NT5DC1: variants seen among roughly 807,000 people sequenced by gnomAD.
NT5DC1 encodes 5'-nucleotidase domain-containing protein 1.
A neutral mutation model predicts 59.4 loss-of-function variants in NT5DC1; 42 were observed. The ratio of observed to expected loss-of-function variants is 0.71; its 90% CI spans 0.55 to 0.92. The LOEUF (loss-of-function observed/expected upper bound fraction) is 0.92, where lower values mean the gene tolerates loss of function less well. Ranked by LOEUF, NT5DC1 falls within the 40% of genes least tolerant of loss-of-function variation. NT5DC1 has a pLI of 0.00. For synonymous variants in NT5DC1, 172 were observed against 188.1 expected (o/e 0.91, Z 0.70); for missense variants, 501 against 537.1 (o/e 0.93, Z 0.66).
intron 6 of NT5DC1, chr6:116,121,517 C>T: frequency 2.5e-6 from 4 of 1,614,174 alleles, no homozygotes; most frequent in Non-Finnish European, 3.4e-6. Flanking sequence ...ACCCCTCTCA[C>T]CTGGACGACC....
chr6:116,195,331 A>T (rs1332041609), intron 6 of NT5DC1, among the ~76,000 whole-genome samples: 2 of 152,162 alleles, frequency 1.3e-5, no homozygotes, highest in East Asian at 3.9e-4. Flanking sequence ...ATTGACTCAA[A>T]CATTGGAAAT....
intron 6 of NT5DC1, among the ~76,000 whole-genome samples, chr6:116,168,343 T>C (rs1755618258): frequency 6.6e-6 from 1 of 152,076 alleles, no homozygotes; most frequent in African/African-American, 2.4e-5. Context: ...ACCATTTTTC[T>C]AATTCTCTCT....
At chr6:116,238,840 C>A in intron 10 of NT5DC1, 115 bp from the exon 11 acceptor site, 2 of 643,492 alleles carry the variant, frequency 3.1e-6, no homozygotes, top group Non-Finnish European at 5.5e-6. Context: ...GGGCCCAAAG[C>A]CTATTTGTAG....
At chr6:116,121,225 G>A (rs1221571838) in intron 6 of NT5DC1, 1 of 1,613,582 alleles carries the variant, frequency 6.2e-7, no homozygotes, top group East Asian at 2.2e-5. Flanking sequence ...GTTTCCCAAA[G>A]CCAGGAGGCC....
intron 6 of NT5DC1, among the ~76,000 whole-genome samples, chr6:116,147,429 G>A (rs552280220): frequency 3.3e-5 from 5 of 151,146 alleles, no homozygotes; most frequent in African/African-American, 7.3e-5. Flanking sequence ...GCAACAGAGC[G>A]AGACTACATC....
intron 6 of NT5DC1, chr6:116,121,469 G>A: frequency 6.2e-7 from 1 of 1,614,138 alleles, no homozygotes; most frequent in South Asian, 1.1e-5. Flanking sequence ...CACTCCAGGA[G>A]GGCCAGATGG....
chr6:116,150,692 A>C (rs904883397), intron 6 of NT5DC1, among the ~76,000 whole-genome samples: 3 of 152,176 alleles, frequency 2.0e-5, no homozygotes, highest in Non-Finnish European at 4.4e-5. Context: ...GCATTAGTCT[A>C]GCAGTATTTT....
At chr6:116,222,918 T>C in intron 7 of NT5DC1, 116 bp from the exon 8 acceptor site, 1 of 618,350 alleles carries the variant, frequency 1.6e-6, no homozygotes, top group Admixed American at 2.8e-5. Context: ...CATGTAAAAG[T>C]TAGTCAAAAG....
intron 6 of NT5DC1, among the ~76,000 whole-genome samples, chr6:116,150,824 G>T (rs560482671): frequency 1.3e-5 from 2 of 152,154 alleles, no homozygotes; most frequent in Admixed American, 6.5e-5. Flanking sequence ...TATATCTAGT[G>T]AATATCAAAT....
chr6:116,233,902 AT>A (rs1474134514), intron 8 of NT5DC1, among the ~76,000 whole-genome samples: 2 of 151,822 alleles, frequency 1.3e-5, no homozygotes, highest in African/African-American at 4.8e-5. Context: ...GCAAATTATC[AT>A]CACCATCTAT....
intron 3 of NT5DC1, among the ~76,000 whole-genome samples, chr6:116,110,423 T>A (rs920899997): frequency 6.6e-6 from 1 of 152,228 alleles, no homozygotes; most frequent in African/African-American, 2.4e-5. Context: ...AGGTGCTTCC[T>A]GTGCCTCCTA....
At chr6:116,137,528 A>T (rs1779641386) in intron 6 of NT5DC1, 1 of 212,076 alleles carries the variant, frequency 4.7e-6, no homozygotes, top group Admixed American at 4.2e-5. Flanking sequence ...TGTATTTCAC[A>T]GTCTCCTCAA....
chr6:116,201,136 G>A (rs1781338162), intron 6 of NT5DC1, among the ~76,000 whole-genome samples: 2 of 151,998 alleles, frequency 1.3e-5, no homozygotes, highest in South Asian at 4.1e-4. Context: ...ATAAGAAGGT[G>A]AGATAAGGGG....
chr6:116,124,796 A>C (rs1169105310), intron 6 of NT5DC1, among the ~76,000 whole-genome samples: 1 of 152,162 alleles, frequency 6.6e-6, no homozygotes, highest in Non-Finnish European at 1.5e-5. Context: ...TAATTATGAG[A>C]ATTGCAGTTT....
intron 6 of NT5DC1, among the ~76,000 whole-genome samples, chr6:116,192,116 G>C (rs925140411): frequency 1.6e-4 from 24 of 152,120 alleles, no homozygotes; most frequent in Non-Finnish European, 8.8e-5. Flanking sequence ...TAATTAGGTG[G>C]TTAGAGAGAG....
At chr6:116,113,370 GTTTCT>G (rs1778913820) in intron 4 of NT5DC1, among the ~76,000 whole-genome samples, 1 of 152,210 alleles carries the variant, frequency 6.6e-6, no homozygotes, top group East Asian at 1.9e-4. Context: ...GTTGGTAGTA[GTTTCT>G]TGGGGAGCAG....
At chr6:116,141,336 T>A (rs1440775567) in intron 6 of NT5DC1, among the ~76,000 whole-genome samples, 2 of 152,094 alleles carry the variant, frequency 1.3e-5, no homozygotes, top group Non-Finnish European at 2.9e-5. Flanking sequence ...GTTAGTTATA[T>A]GTGTTGCAGA....
intron 6 of NT5DC1, chr6:116,121,804 A>G: frequency 1.2e-6 from 2 of 1,611,534 alleles, no homozygotes; most frequent in East Asian, 2.2e-5. Flanking sequence ...GTTTCCCTAC[A>G]GCTGATGGTC....
chr6:116,128,157 A>G (rs60491506), intron 6 of NT5DC1, among the ~76,000 whole-genome samples: 5,942 of 152,208 alleles, frequency 0.039, 327 homozygotes, highest in African/African-American at 0.12. Context: ...TTGTCATTCT[A>G]TACTCCCCTT....
Sources: allele counts gnomAD v4.1 joint callset (sites outside exome capture counted in the v4.1 genomes callset), GRCh38; gene constraint gnomAD v4.1.1; transcripts MANE v1.5; gene names NCBI Gene and HGNC (gene_info 2026-07-23, HGNC 2026-07-21).